The following CAMK2D variants were observed in gnomAD, a reference collection of about 807,000 sequenced individuals.
CAMK2D encodes the protein calcium/calmodulin-dependent protein kinase type II subunit delta.
Under a neutral mutation model 84.0 loss-of-function variants are expected in CAMK2D, and 37 were observed. The observed-to-expected ratio is 0.44, with a 90% CI of 0.34 to 0.58. The LOEUF (loss-of-function observed/expected upper bound fraction) is 0.58, where lower values mean the gene tolerates loss of function less well. Ranked by LOEUF, CAMK2D falls within the 20% of genes least tolerant of loss-of-function variation. The pLI, the probability that CAMK2D is intolerant of heterozygous loss-of-function variation, is 0.02. For synonymous variants in CAMK2D, 202 were observed against 212.5 expected, an observed-to-expected ratio of 0.95 and a Z score of 0.43; for missense variants, 448 against 652.5, an observed-to-expected ratio of 0.69 and a Z score of 3.41.
intron 4 of CAMK2D, among the ~76,000 whole-genome samples, chr4:113,580,703 T>C (rs543789719): frequency 6.2e-4 from 94 of 152,202 alleles, no homozygotes; most frequent in Middle Eastern, 3.4e-3. Context: ...AGGCTTATTA[T>C]CTGTAAAATC....
At chr4:113,474,617 A>C (rs1439107390) in intron 16 of CAMK2D, among the ~76,000 whole-genome samples, 1 of 148,296 alleles carries the variant, frequency 6.7e-6, no homozygotes, top group African/African-American at 2.5e-5. Context: ...CGGAGCATAT[A>C]TCTTTCAGGT....
chr4:113,655,145 T>C (rs1370496037), intron 3 of CAMK2D, among the ~76,000 whole-genome samples: 1 of 152,096 alleles, frequency 6.6e-6, no homozygotes. Context: ...GCAAATATTT[T>C]CTCTGCTTTA....
chr4:113,481,431 A>T (rs1391209789), intron 16 of CAMK2D, among the ~76,000 whole-genome samples: 1 of 152,202 alleles, frequency 6.6e-6, no homozygotes, highest in Non-Finnish European at 1.5e-5. Context: ...TAAAGAGAAA[A>T]GTAAAACAGG....
At chr4:113,543,938 C>A (rs2098549537) in intron 6 of CAMK2D, among the ~76,000 whole-genome samples, 1 of 151,980 alleles carries the variant, frequency 6.6e-6, no homozygotes, top group Non-Finnish European at 1.5e-5. Flanking sequence ...ACTATAGGCG[C>A]CCGCCACCAC....
At chr4:113,724,213 T>A (rs1297611152) in intron 2 of CAMK2D, among the ~76,000 whole-genome samples, 1 of 152,046 alleles carries the variant, frequency 6.6e-6, no homozygotes, top group Non-Finnish European at 1.5e-5. Flanking sequence ...ACTGTGGGCT[T>A]CGACAACAAA....
At chr4:113,675,446 A>C (rs112722335) in intron 2 of CAMK2D, among the ~76,000 whole-genome samples, 16 of 152,348 alleles carry the variant, frequency 1.1e-4, no homozygotes, top group African/African-American at 3.6e-4. Flanking sequence ...GAGAATGATA[A>C]AAGTTTACAA....
chr4:113,486,613 T>G (rs1054575794), intron 16 of CAMK2D, among the ~76,000 whole-genome samples: 4 of 152,244 alleles, frequency 2.6e-5, no homozygotes, highest in African/African-American at 7.2e-5. Flanking sequence ...ACAAGAATAT[T>G]AAGCCTGAAT....
intron 2 of CAMK2D, among the ~76,000 whole-genome samples, chr4:113,727,157 A>G (rs1395098067): frequency 6.6e-6 from 1 of 152,194 alleles, no homozygotes; most frequent in African/African-American, 2.4e-5. Flanking sequence ...GTTCATTCTC[A>G]CAAAATTAAT....
chr4:113,721,307 T>A (rs192463528), intron 2 of CAMK2D, among the ~76,000 whole-genome samples: 27 of 152,254 alleles, frequency 1.8e-4, no homozygotes, highest in Admixed American at 9.2e-4. Context: ...AAATAGCAAA[T>A]AAAGCTTTTC....
chr4:113,462,500 T>C (rs1386392814), intron 17 of CAMK2D, among the ~76,000 whole-genome samples: 1 of 152,182 alleles, frequency 6.6e-6, no homozygotes, highest in Non-Finnish European at 1.5e-5. Context: ...CAGTACATTC[T>C]ACCATCCCAA....
At chr4:113,660,793 C>CTTT (rs551244067) in intron 3 of CAMK2D, among the ~76,000 whole-genome samples, 10 of 129,480 alleles carry the variant, frequency 7.7e-5, no homozygotes, top group East Asian at 2.2e-4. Context: ...CTGAACAATT[C>CTTT]TTTTTTTTTT....
chr4:113,688,910 C>CAAAAAAAAAAAAAAAAAAAAAAAG (rs2099369925), intron 2 of CAMK2D, among the ~76,000 whole-genome samples: 25 of 49,714 alleles, frequency 5.0e-4, no homozygotes, highest in Admixed American at 8.5e-4. Flanking sequence ...AAAGAAGATG[C>CAAAAAAAAAAAAAAAAAAAAAAAG]AAAAAAAAAA....
chr4:113,696,760 G>T (rs140288857), intron 2 of CAMK2D, among the ~76,000 whole-genome samples: 58 of 152,220 alleles, frequency 3.8e-4, no homozygotes, highest in African/African-American at 1.3e-3. Context: ...CAAAAGGCAG[G>T]CTTCTCTTTC....
At chr4:113,599,111 T>C (rs1347560437) in intron 4 of CAMK2D, among the ~76,000 whole-genome samples, 1 of 152,106 alleles carries the variant, frequency 6.6e-6, no homozygotes, top group Non-Finnish European at 1.5e-5. Flanking sequence ...CAATGGAATA[T>C]CACTACACAC....
At chr4:113,607,542 T>G (rs2098983099) in intron 4 of CAMK2D, among the ~76,000 whole-genome samples, 1 of 151,992 alleles carries the variant, frequency 6.6e-6, no homozygotes, top group African/African-American at 2.4e-5. Flanking sequence ...CCGTAACCGA[T>G]CAATTGACCC....
At chr4:113,656,794 T>C (rs1470693577) in intron 3 of CAMK2D, among the ~76,000 whole-genome samples, 1 of 152,136 alleles carries the variant, frequency 6.6e-6, no homozygotes, top group Non-Finnish European at 1.5e-5. Context: ...TCCATAGATA[T>C]ATCTTGCCTG....
At chr4:113,545,142 C>A (rs2098557143) in intron 6 of CAMK2D, among the ~76,000 whole-genome samples, 1 of 152,174 alleles carries the variant, frequency 6.6e-6, no homozygotes, top group Admixed American at 6.5e-5. Context: ...TTTTGGTTGA[C>A]CTTCATTCAT....
chr4:113,576,395 A>G (rs1019806861), intron 4 of CAMK2D, among the ~76,000 whole-genome samples: 1 of 151,728 alleles, frequency 6.6e-6, no homozygotes, highest in East Asian at 1.9e-4. Flanking sequence ...GAGACTTAAA[A>G]CAATGAAGAA....
chr4:113,507,488 C>T (rs375312005), intron 13 of CAMK2D, among the ~76,000 whole-genome samples: 43 of 151,790 alleles, frequency 2.8e-4, no homozygotes, highest in African/African-American at 9.4e-4. Context: ...AGGCTGGTCT[C>T]GAACTCCTGA....
Sources: allele counts gnomAD v4.1 joint callset (sites outside exome capture counted in the v4.1 genomes callset), GRCh38; gene constraint gnomAD v4.1.1; transcripts MANE v1.5; gene names NCBI Gene and HGNC (gene_info 2026-07-23, HGNC 2026-07-21).